HSPA12A: variants seen among roughly 807,000 people sequenced by gnomAD.
HSPA12A encodes heat shock 70 kDa protein 12A.
In HSPA12A, 28 loss-of-function variants were observed where a neutral mutation model predicts 69.2. That is an observed-to-expected ratio of 0.40 (90% CI 0.30 to 0.55). The LOEUF is 0.55. Among genes scored for constraint, HSPA12A ranks in the 20% least tolerant of loss-of-function variants. The pLI, the probability that HSPA12A is intolerant of heterozygous loss-of-function variation, is 0.38. For missense variants in HSPA12A, 686 were observed against 900.7 expected, an observed-to-expected ratio of 0.76 and a Z score of 3.05; for synonymous variants, 345 against 370.5, an observed-to-expected ratio of 0.93 and a Z score of 0.79.
intron 2 of HSPA12A, among the ~76,000 whole-genome samples, chr10:116,813,360 C>T (rs944382920): frequency 6.7e-6 from 1 of 148,970 alleles, no homozygotes; most frequent in Non-Finnish European, 1.5e-5. Flanking sequence ...ATTCTCCTGC[C>T]TCAGCCTCCC....
chr10:116,686,699 G>A lies in HSPA12A; in HGVS notation c.664-2737C>T. 6.6e-6 allele frequency among the ~76,000 whole-genome samples: 1 copy of A among 152,054 alleles called. No homozygotes were observed. Among genetic ancestry groups the A allele is most frequent in the East Asian group, 1.9e-4 (1 of 5,178 alleles). On this transcript the variant is annotated intron_variant, in intron 6 of 11. Transcript: ENST00000369209. The surrounding 1 kb of genome is among the most constrained non-coding windows in gnomAD (Gnocchi z 4.1). ...AGGGACAGGGATGGGAAGGGAGAAA[G>A]GGTGGCATAAGCTCCGCCCCTTGTC...
intron 2 of HSPA12A, among the ~76,000 whole-genome samples, chr10:116,770,185 G>A (rs1486309685): frequency 1.3e-5 from 2 of 152,196 alleles, no homozygotes; most frequent in Non-Finnish European, 2.9e-5. Flanking sequence ...AGAGGGCGGT[G>A]ACTTGCCATG....
chr10:116,696,431 G>A (rs1849906401), intron 5 of HSPA12A, among the ~76,000 whole-genome samples: 1 of 152,110 alleles, frequency 6.6e-6, no homozygotes, highest in Non-Finnish European at 1.5e-5. Flanking sequence ...TTTTACAAAG[G>A]GAAGTTCCCC....
chr10:116,728,335 C>G (rs1851042603), intron 1 of HSPA12A, among the ~76,000 whole-genome samples: 1 of 152,146 alleles, frequency 6.6e-6, no homozygotes, highest in South Asian at 2.1e-4. Context: ...ATATTCTTAA[C>G]TTACAATGGG....
intron 2 of HSPA12A, among the ~76,000 whole-genome samples, chr10:116,792,619 A>C (rs1379357476): frequency 6.3e-5 from 5 of 78,776 alleles, no homozygotes; most frequent in Non-Finnish European, 3.9e-5. Context: ...TCTACAAAAA[A>C]AAAAAAAAAA....
At chr10:116,721,029 C>A (rs974075230) in intron 1 of HSPA12A, among the ~76,000 whole-genome samples, 1 of 152,162 alleles carries the variant, frequency 6.6e-6, no homozygotes, top group Non-Finnish European at 1.5e-5. Flanking sequence ...CAAAGTCCTT[C>A]CAGAGACTTT....
chr10:116,683,957 G>C lies in HSPA12A; in HGVS notation c.669C>G (p.Gly223=). 1.3e-6 allele frequency: 2 copies of C among 1,571,360 alleles called. No individual in the cohort carries two copies. The highest frequency in any genetic ancestry group is 1.7e-6 in the Non-Finnish European group (2 of 1,151,274). ...QFMRQAAYQA[G]LASPENSEQL... ...GCTCCGAGTTCTCGGGGGAGGCCAG[G>C]CCTGCCTGGAAGACAGAAACAGAGG... The change falls in exon 7 of 12, where the codon GGC becomes GGG. Residue 223 remains glycine (G), a synonymous_variant. Transcript: ENST00000369209.
chr10:116,803,328 A>G (rs1241450244), intron 2 of HSPA12A, among the ~76,000 whole-genome samples: 1 of 152,228 alleles, frequency 6.6e-6, no homozygotes, highest in Admixed American at 6.5e-5. Flanking sequence ...TGGAGCTCAC[A>G]GGGGCCACGC....
intron 1 of HSPA12A, among the ~76,000 whole-genome samples, chr10:116,721,929 G>A (rs914145411): frequency 6.6e-6 from 1 of 152,176 alleles, no homozygotes; most frequent in Admixed American, 6.5e-5. Flanking sequence ...TTCCAGCCCC[G>A]ACACATCAGT....
At chr10:116,764,191 C>A (rs1554889551) in intron 2 of HSPA12A, among the ~76,000 whole-genome samples, 5 of 152,166 alleles carry the variant, frequency 3.3e-5, no homozygotes. Context: ...TTTATGGAAG[C>A]CATAGCTGCA....
chr10:116,843,739 A>G (rs1215467408), intron 1 of HSPA12A, among the ~76,000 whole-genome samples: 2 of 152,212 alleles, frequency 1.3e-5, no homozygotes, highest in African/African-American at 4.8e-5. Flanking sequence ...TTGGCTGCAT[A>G]TTAATCATCA....
At chr10:116,678,554 G>A (rs1432308949) in intron 10 of HSPA12A, among the ~76,000 whole-genome samples, 1 of 135,654 alleles carries the variant, frequency 7.4e-6, no homozygotes, top group African/African-American at 2.8e-5. Flanking sequence ...TAGCTGCTAT[G>A]TAGAGCCCTC....
Position 116,674,639 on chromosome 10 carries a change from C to G in HSPA12A, c.*142G>C. On this transcript the variant is annotated 3_prime_UTR_variant, in exon 12 of 12. Transcript: ENST00000369209. ...TGCCCTCAAAAGTCACTAATTATTT[C>G]TAGCCCTGATTGTTCTCATCTTCCC... is the stretch of plus-strand genomic sequence containing the variant. The G allele has an allele frequency of 1.2e-6, 1 of 802,078 alleles. No homozygotes were observed. The highest frequency in any genetic ancestry group is 1.9e-6 in the Non-Finnish European group (1 of 515,148). The allele number at this position is 802,078 out of a possible 1,614,324, so 49.7% of individuals were successfully genotyped here. A position where few individuals can be genotyped will look rare whatever the true frequency, so the allele number is the denominator to read the frequency against.
At chr10:116,680,418 C>T (rs1437619180) in intron 9 of HSPA12A, among the ~76,000 whole-genome samples, 3 of 152,170 alleles carry the variant, frequency 2.0e-5, no homozygotes, top group Non-Finnish European at 4.4e-5. Flanking sequence ...TGGTCTAGTC[C>T]CTGTGTGATC....
chr10:116,762,905 G>C (rs1243906827), intron 2 of HSPA12A, among the ~76,000 whole-genome samples: 2 of 152,114 alleles, frequency 1.3e-5, no homozygotes, highest in Admixed American at 6.6e-5. Context: ...ATTCAGTAGG[G>C]CATCCCTCCT....
chr10:116,849,159 T>G (rs1845970945), intron 1 of HSPA12A, among the ~76,000 whole-genome samples: 1 of 150,666 alleles, frequency 6.6e-6, no homozygotes. Context: ...GAGGGCGGGG[T>G]GGCCCAAGAC....
rs782538504 is a variant in HSPA12A, at chr10:116,708,578, G to A, written c.41-1293C>T. On this transcript the variant is annotated intron_variant, in intron 1 of 11. Coordinates refer to ENST00000369209, the MANE Select transcript of HSPA12A (RefSeq NM_025015.3). ...GGAATGAAATGAATCATGCAAGAGGGAATGTGAAGCCTCAAATCTGCACAG... is the reference window on the plus strand; with the variant it reads ...GGAATGAAATGAATCATGCAAGAGGAAATGTGAAGCCTCAAATCTGCACAG... Among the ~76,000 whole-genome samples, 8 of 152,202 alleles carry A rather than the reference G, an allele frequency of 5.3e-5. No homozygotes were observed. In the East Asian group the frequency reaches 7.7e-4, roughly 15 times the overall value.
chr10:116,775,895 G>C (rs1431682653), intron 2 of HSPA12A, among the ~76,000 whole-genome samples: 2 of 152,168 alleles, frequency 1.3e-5, no homozygotes, highest in Non-Finnish European at 2.9e-5. Flanking sequence ...TCCCCAGCCT[G>C]GCACAGACTC....
intron 2 of HSPA12A, among the ~76,000 whole-genome samples, chr10:116,812,198 A>C (rs373713872): frequency 1.3e-5 from 2 of 152,156 alleles, no homozygotes; most frequent in East Asian, 3.9e-4. Flanking sequence ...CATGTCTGTA[A>C]TCCCAGCACT....
Sources: allele counts gnomAD v4.1 joint callset (sites outside exome capture counted in the v4.1 genomes callset), GRCh38; gene constraint gnomAD v4.1.1; non-coding constraint Gnocchi (gnomAD v3.1); transcripts MANE v1.5; gene names NCBI Gene and HGNC (gene_info 2026-07-23, HGNC 2026-07-21).